SKA2: variants seen among roughly 807,000 people sequenced by gnomAD.
SKA2 encodes the protein spindle and kinetochore associated complex subunit 2.
Under a neutral mutation model 16.9 loss-of-function variants are expected in SKA2, and 13 were observed. The observed-to-expected ratio is 0.77, with a 90% CI of 0.50 to 1.22. The LOEUF (loss-of-function observed/expected upper bound fraction) is 1.22. Among genes scored for constraint, SKA2 ranks in the 50% most tolerant of loss-of-function variants. SKA2 has a pLI of 0.00. For missense variants in SKA2, 107 were observed against 139.7 expected (o/e 0.77, Z 1.18); for synonymous variants, 47 against 48.5 (o/e 0.97, Z 0.13).
rs1292636643 is a variant in SKA2 at position 59,110,744 on chromosome 17, G to C, written c.*1533C>G. 2.3e-5 allele frequency: 3 copies of C among 131,268 alleles called. No individual in the cohort carries two copies. Among genetic ancestry groups the C allele is most frequent in the African/African-American group, 8.7e-5 (3 of 34,648 alleles). 8.1% of individuals were successfully genotyped at this position (131,268 alleles called of 1,614,324 possible). A position where few individuals can be genotyped will look rare whatever the true frequency, so the allele number is the denominator to read the frequency against. On this transcript the variant is annotated 3_prime_UTR_variant, in exon 4 of 4. Coordinates refer to ENST00000330137, the MANE Select transcript of SKA2 (RefSeq NM_182620.4). ...GTGGAGGTTGCAGTGAGCTGAGAGC[G>C]TACCACTGCATTCCAGCCTGGGCAA...
At chr17:59,116,603 G>GA (rs1244704355) in intron 3 of SKA2, among the ~76,000 whole-genome samples, 2 of 151,650 alleles carry the variant, frequency 1.3e-5, no homozygotes, top group East Asian at 3.9e-4. Context: ...CCTTCCAAAT[G>GA]AAAAACCACT....
chr17:59,136,833 T>C (rs537218059), intron 1 of SKA2, among the ~76,000 whole-genome samples: 3 of 152,208 alleles, frequency 2.0e-5, no homozygotes, highest in South Asian at 2.1e-4. Flanking sequence ...AGGTGTGAGC[T>C]ACCACGCCCA....
chr17:59,134,752 T>A (rs1189434324), intron 1 of SKA2, among the ~76,000 whole-genome samples: 1 of 152,096 alleles, frequency 6.6e-6, no homozygotes, highest in Non-Finnish European at 1.5e-5. Flanking sequence ...ATTTTTACAA[T>A]AATCTAACGT....
Position 59,131,139 on chromosome 17 carries a change from C to G in SKA2, c.120+142G>C, listed in dbSNP as rs1024272254. ...TCTCCAGTGTGCTATAACCAAACTT[C>G]CAACACAATGCAAGATTTTAAGATT... On this transcript the variant is annotated intron_variant, in intron 2 of 3. Coordinates refer to ENST00000330137, the MANE Select transcript of SKA2 (RefSeq NM_182620.4). 3.1e-5 allele frequency: 18 copies of G among 578,990 alleles called. No individual in the cohort carries two copies. In the Middle Eastern group the frequency reaches 2.0e-3, roughly 63 times the overall value. The allele number at this position is 578,990 out of a possible 1,614,324, so 35.9% of individuals were successfully genotyped here.
rs140477914 is a variant in SKA2 at position 59,122,106 on chromosome 17, G to A, written c.121-2611C>T. ...AAATAAAACTTAAAGAACATGTAGTGTGTCTGACAATATTGAGAAGAGTTT... is the reference window on the plus strand; with the variant it reads ...AAATAAAACTTAAAGAACATGTAGTATGTCTGACAATATTGAGAAGAGTTT... On this transcript the variant is annotated intron_variant, in intron 2 of 3. Coordinates refer to ENST00000330137, the MANE Select transcript of SKA2 (RefSeq NM_182620.4). Among the ~76,000 whole-genome samples, 25 of 152,298 alleles carry A rather than the reference G, an allele frequency of 1.6e-4. No individual in the cohort carries two copies. The East Asian group carries it at 4.3e-3, about 26-fold the overall frequency.
chr17:59,155,070 A>C (rs1599685582), intron 1 of SKA2, 61 bp downstream of exon 1: 1 of 1,613,634 alleles, frequency 6.2e-7, no homozygotes, highest in Non-Finnish European at 8.5e-7. Context: ...ATTGTGCCCC[A>C]CCTCCGAGGC....
chr17:59,138,440 G>C (rs1025536883), intron 1 of SKA2, among the ~76,000 whole-genome samples: 33 of 151,894 alleles, frequency 2.2e-4, no homozygotes, highest in African/African-American at 8.0e-4. Context: ...TTGTTTGTTT[G>C]TTATTTTTTG....
At chr17:59,148,952 G>A (rs1280240695) in intron 1 of SKA2, among the ~76,000 whole-genome samples, 2 of 151,990 alleles carry the variant, frequency 1.3e-5, no homozygotes, top group Non-Finnish European at 2.9e-5. Context: ...AAACTACAAT[G>A]GGGCACCACC....
rs1481746900 is a variant in SKA2 at position 59,109,955 on chromosome 17, A to T, written c.*2322T>A. 8 of 152,252 alleles carry T rather than the reference A, an allele frequency of 5.3e-5. No homozygotes were observed. The highest frequency in any genetic ancestry group is 1.9e-4 in the African/African-American group (8 of 41,470). 9.4% of individuals were successfully genotyped at this position (152,252 alleles called of 1,614,324 possible). On this transcript the variant is annotated 3_prime_UTR_variant, in exon 4 of 4. Coordinates refer to ENST00000330137, the MANE Select transcript of SKA2 (RefSeq NM_182620.4). ...AGAGGTTGTATACTATGACCATTTT[A>T]GAAAGAGGATTGTAGGTTTTATTGA...
rs1274781070 is a variant in SKA2 at position 59,110,770 on chromosome 17, C to T, written c.*1507G>A. 4 of 112,666 alleles carry T rather than the reference C, an allele frequency of 3.6e-5. No individual in the cohort carries two copies. Among genetic ancestry groups the T allele is most frequent in the Admixed American group, 2.6e-4 (2 of 7,550 alleles). The allele number at this position is 112,666 out of a possible 1,614,324, so 7.0% of individuals were successfully genotyped here. ...TACCACTGCATTCCAGCCTGGGCAA[C>T]AGAGTGAGACTCCGTCTCAAAAAAA... On this transcript the variant is annotated 3_prime_UTR_variant, in exon 4 of 4. Coordinates refer to ENST00000330137, the MANE Select transcript of SKA2 (RefSeq NM_182620.4).
chr17:59,119,643 G>A, intron 2 of SKA2, 148 bp from the exon 3 acceptor site: 1 of 710,882 alleles, frequency 1.4e-6, no homozygotes, highest in Non-Finnish European at 2.3e-6. Flanking sequence ...GACATCAGAT[G>A]GGAGGTGGGG....
At chr17:59,118,506 G>T (rs982598019) in intron 3 of SKA2, among the ~76,000 whole-genome samples, 4 of 152,158 alleles carry the variant, frequency 2.6e-5, no homozygotes, top group African/African-American at 9.7e-5. Context: ...TGTTTTCCAA[G>T]AACAAGGTTA....
At chr17:59,137,103 C>T (rs1170419909) in intron 1 of SKA2, among the ~76,000 whole-genome samples, 1 of 152,102 alleles carries the variant, frequency 6.6e-6, no homozygotes, top group African/African-American at 2.4e-5. Context: ...CCTCAACCTC[C>T]TGGACTCAAG....
intron 2 of SKA2, among the ~76,000 whole-genome samples, chr17:59,127,253 C>A (rs2046378094): frequency 6.6e-6 from 1 of 152,152 alleles, no homozygotes; most frequent in Admixed American, 6.6e-5. Context: ...ATTAAGATGG[C>A]TATCAGGTAT....
chr17:59,111,986 T>A lies in SKA2; in HGVS notation c.*291A>T. On this transcript the variant is annotated 3_prime_UTR_variant, in exon 4 of 4. Transcript: ENST00000330137. ...AAAAGAAAACAGATGCAAAATAGTG[T>A]TGAGAATTTCTGGCCTGAAATTACA... is the stretch of plus-strand genomic sequence containing the variant. The A allele has an allele frequency of 3.4e-6, 1 of 296,910 alleles. No homozygotes were observed. The highest frequency in any genetic ancestry group is 6.5e-6 in the Non-Finnish European group (1 of 153,202). 18.4% of individuals were successfully genotyped at this position (296,910 alleles called of 1,614,324 possible). A position where few individuals can be genotyped will look rare whatever the true frequency, so the allele number is the denominator to read the frequency against.
At chr17:59,149,024 G>A (rs2046556717) in intron 1 of SKA2, among the ~76,000 whole-genome samples, 1 of 152,084 alleles carries the variant, frequency 6.6e-6, no homozygotes, top group Non-Finnish European at 1.5e-5. Context: ...AATACCAAGT[G>A]TTGATAAGGT....
intron 1 of SKA2, among the ~76,000 whole-genome samples, chr17:59,141,223 C>A (rs2147814693): frequency 6.6e-6 from 1 of 151,972 alleles, no homozygotes; most frequent in East Asian, 2.0e-4. Context: ...ATGGTGAAAC[C>A]TTGTTTCTAC....
intron 1 of SKA2, among the ~76,000 whole-genome samples, chr17:59,151,372 A>C (rs1301675954): frequency 6.6e-6 from 1 of 152,232 alleles, no homozygotes; most frequent in African/African-American, 2.4e-5. Context: ...ATAAGACTTA[A>C]ATATCAAAGT....
intron 1 of SKA2, among the ~76,000 whole-genome samples, chr17:59,134,270 G>C (rs752861333): frequency 1.8e-4 from 27 of 152,270 alleles, no homozygotes; most frequent in Non-Finnish European, 3.5e-4. Flanking sequence ...ACCTGATTTT[G>C]TTTGTCTTAA....
Sources: allele counts gnomAD v4.1 joint callset (sites outside exome capture counted in the v4.1 genomes callset), GRCh38; gene constraint gnomAD v4.1.1; transcripts MANE v1.5; gene names NCBI Gene and HGNC (gene_info 2026-07-23, HGNC 2026-07-21).